RBFOX3: variants seen among roughly 807,000 people sequenced by gnomAD.
RBFOX3 encodes RNA binding protein fox-1 homolog 3.
A neutral mutation model predicts 48.7 loss-of-function variants in RBFOX3; 17 were observed. The ratio of observed to expected loss-of-function variants is 0.35; its 90% CI spans 0.24 to 0.52. RBFOX3 has a LOEUF of 0.52. RBFOX3 is among the 20% of genes least tolerant of loss of function. The probability of loss-of-function intolerance (pLI) is 0.94; values close to 1 mark genes in which losing one functional copy is unlikely to be tolerated. For missense variants in RBFOX3, 382 were observed against 497.5 expected (o/e 0.77, Z 2.21); for synonymous variants, 212 against 209.5 (o/e 1.01, Z -0.10).
At chr17:79,449,212 GCTT>G (rs1204179117) in intron 2 of RBFOX3, among the ~76,000 whole-genome samples, 3 of 151,992 alleles carry the variant, frequency 2.0e-5, no homozygotes, top group African/African-American at 7.3e-5. Flanking sequence ...GTTTTTTTCA[GCTT>G]CTATGAAGAA....
intron 4 of RBFOX3, among the ~76,000 whole-genome samples, chr17:79,170,176 G>GA (rs140649393): frequency 6.6e-6 from 1 of 150,978 alleles, no homozygotes; most frequent in South Asian, 2.1e-4. Context: ...AGGAAGGAAG[G>GA]GGAAGGAAGG....
intron 3 of RBFOX3, among the ~76,000 whole-genome samples, chr17:79,241,598 C>T (rs1023400922): frequency 4.6e-5 from 7 of 152,116 alleles, no homozygotes; most frequent in African/African-American, 1.2e-4. Flanking sequence ...ACTGTTTGTG[C>T]GGGAGGAAGC....
intron 2 of RBFOX3, among the ~76,000 whole-genome samples, chr17:79,381,423 G>A (rs72852409): frequency 0.18 from 26,635 of 152,122 alleles, 2,706 homozygotes; most frequent in Middle Eastern, 0.32. Flanking sequence ...GAAGCCCAGC[G>A]CGTGTGTCCC....
Position 79,480,563 on chromosome 17 carries a change from G to A in RBFOX3, c.-175+1891C>T, listed in dbSNP as rs1463458773. Among the ~76,000 whole-genome samples the A allele has an allele frequency of 2.6e-5, 4 of 152,150 alleles. No homozygotes were observed. Among genetic ancestry groups the A allele is most frequent in the African/African-American group, 4.8e-5 (2 of 41,498 alleles). On this transcript the variant is annotated intron_variant, in intron 2 of 14. Transcript: ENST00000693108. This position sits in a 1 kb window ranked among gnomAD's most constrained non-coding sequence, Gnocchi z 4.8. ...CTGCATCCAGCCCTGGACCCTCTTCGTCATCTCCTTCCTCCACCTGCACAG... is the reference window on the plus strand; with the variant it reads ...CTGCATCCAGCCCTGGACCCTCTTCATCATCTCCTTCCTCCACCTGCACAG...
intron 4 of RBFOX3, among the ~76,000 whole-genome samples, chr17:79,210,759 G>A (rs556441434): frequency 6.6e-6 from 1 of 152,348 alleles, no homozygotes; most frequent in Admixed American, 6.5e-5. Flanking sequence ...TGGTGGGGAT[G>A]TGCAGCATGG....
intron 4 of RBFOX3, among the ~76,000 whole-genome samples, chr17:79,162,290 C>T (rs2145366344): frequency 6.7e-6 from 1 of 149,104 alleles, no homozygotes; most frequent in East Asian, 2.1e-4. Context: ...AGTCATGGGG[C>T]CGCCTGCACA....
At chr17:79,176,570 G>C (rs1220789022) in intron 4 of RBFOX3, among the ~76,000 whole-genome samples, 1 of 152,264 alleles carries the variant, frequency 6.6e-6, no homozygotes. Context: ...GTCGGAGTCA[G>C]TCCTTCTGGT....
At chr17:79,145,668 T>C (rs560792412) in intron 4 of RBFOX3, among the ~76,000 whole-genome samples, 1 of 152,312 alleles carries the variant, frequency 6.6e-6, no homozygotes, top group African/African-American at 2.4e-5. Flanking sequence ...CATTCGCCGC[T>C]CTGTGGTTGT....
At chr17:79,287,609 G>T (rs1413568005) in intron 3 of RBFOX3, among the ~76,000 whole-genome samples, 1 of 152,192 alleles carries the variant, frequency 6.6e-6, no homozygotes, top group African/African-American at 2.4e-5. Flanking sequence ...AGGCAGCTGG[G>T]CCAGGCCAGG....
chr17:79,483,583 C>T (rs369437891), intron 1 of RBFOX3, among the ~76,000 whole-genome samples: 3 of 149,974 alleles, frequency 2.0e-5, no homozygotes, highest in East Asian at 4.1e-4. Context: ...CTTTTCCCCA[C>T]GAATTTCCCC....
chr17:79,128,464 G>T (rs1174398683), intron 4 of RBFOX3, among the ~76,000 whole-genome samples: 1 of 152,140 alleles, frequency 6.6e-6, no homozygotes, highest in Non-Finnish European at 1.5e-5. Flanking sequence ...GGACAGGAGG[G>T]CCCGTGCAGC....
chr17:79,565,341 CTT>C (rs1270878476), intron 1 of RBFOX3, among the ~76,000 whole-genome samples: 40 of 138,006 alleles, frequency 2.9e-4, no homozygotes, highest in Admixed American at 3.6e-4. Flanking sequence ...TTTAGGACAT[CTT>C]TTTTTTTTTT....
intron 2 of RBFOX3, among the ~76,000 whole-genome samples, chr17:79,320,412 G>A (rs768925937): frequency 6.6e-6 from 1 of 152,216 alleles, no homozygotes; most frequent in African/African-American, 2.4e-5. Context: ...TGCCACTTGG[G>A]GCACAGACTG....
intron 2 of RBFOX3, among the ~76,000 whole-genome samples, chr17:79,380,850 A>C (rs951988757): frequency 8.5e-5 from 13 of 152,060 alleles, no homozygotes; most frequent in Non-Finnish European, 1.9e-4. Flanking sequence ...CCGTATTTGG[A>C]CGTCGCTCCA....
At chr17:79,236,063 T>A (rs2061596427) in intron 3 of RBFOX3, among the ~76,000 whole-genome samples, 1 of 152,128 alleles carries the variant, frequency 6.6e-6, no homozygotes, top group Non-Finnish European at 1.5e-5. Flanking sequence ...ACCCAGAGGT[T>A]TCAGACTCAT....
rs1457491997 is a variant in RBFOX3 at position 79,363,717 on chromosome 17, C to T, written c.-174-55893G>A. Among the ~76,000 whole-genome samples, 1 of 151,836 alleles carries T rather than the reference C, an allele frequency of 6.6e-6. No homozygotes were observed. Among genetic ancestry groups the T allele is most frequent in the South Asian group, 2.1e-4 (1 of 4,814 alleles). On this transcript the variant is annotated intron_variant, in intron 2 of 14. Coordinates refer to ENST00000693108, the MANE Select transcript of RBFOX3 (RefSeq NM_001350451.2). This position sits in a 1 kb window ranked among gnomAD's most constrained non-coding sequence, Gnocchi z 4.7. ...AGGGACCTCCGACACGCCTCCAGAG[C>T]CCCCAACACCTCCAGAGCCCTCCAG...
the RBFOX3 span, among the ~76,000 whole-genome samples, chr17:79,620,005 GCACATGCACACACACACGTGCA>G: frequency 1.3e-5 from 2 of 151,072 alleles, no homozygotes; most frequent in African/African-American, 2.4e-5. Flanking sequence ...GCACACACAT[GCACATGCACACACACACGTGCA>G]CACATGCATA....
chr17:79,505,153 T>C (rs1278114469), intron 1 of RBFOX3, among the ~76,000 whole-genome samples: 2 of 152,100 alleles, frequency 1.3e-5, no homozygotes, highest in Non-Finnish European at 2.9e-5. Context: ...GTGGGAGGAT[T>C]AGACTCTGGC....
chr17:79,433,581 C>T (rs1194881556), intron 2 of RBFOX3, among the ~76,000 whole-genome samples: 3 of 152,202 alleles, frequency 2.0e-5, no homozygotes, highest in Non-Finnish European at 4.4e-5. Context: ...GGAGAAGAAC[C>T]TCCCTTGGGA....
Sources: allele counts gnomAD v4.1 joint callset (sites outside exome capture counted in the v4.1 genomes callset), GRCh38; gene constraint gnomAD v4.1.1; non-coding constraint Gnocchi (gnomAD v3.1); transcripts MANE v1.5; gene names NCBI Gene and HGNC (gene_info 2026-07-23, HGNC 2026-07-21).